Variants in MDN1 observed in about 807,000 individuals in gnomAD.
The protein encoded by MDN1 is midasin.
Under a neutral mutation model 669.2 loss-of-function variants are expected in MDN1, and 266 were observed. The ratio of observed to expected loss-of-function variants is 0.40; its 90% CI spans 0.36 to 0.44. The LOEUF (loss-of-function observed/expected upper bound fraction) is 0.44, where lower values mean the gene tolerates loss of function less well. Ranked by LOEUF, MDN1 falls within the 20% of genes least tolerant of loss-of-function variation. The pLI, the probability that MDN1 is intolerant of heterozygous loss-of-function variation, is 1.00. For missense variants in MDN1, 5,940 were observed against 6,754.0 expected (o/e 0.88, Z 4.22); for synonymous variants, 2,385 against 2,457.1 (o/e 0.97, Z 0.87).
At chr6:89,720,399 C>CAAA (rs559231591) in intron 40 of MDN1, among the ~76,000 whole-genome samples, 3 of 106,582 alleles carry the variant, frequency 2.8e-5, no homozygotes, top group African/African-American at 1.0e-4. Flanking sequence ...GACTCCATCT[C>CAAA]AAAAAAAAAA....
At chr6:89,696,599 A>G in intron 59 of MDN1, 25 bp from the exon 60 acceptor site, 9 of 1,566,580 alleles carry the variant, frequency 5.7e-6, no homozygotes, top group Non-Finnish European at 7.9e-6. Context: ...AAGAGTCAAT[A>G]ACTTTTAGAA....
intron 73 of MDN1, among the ~76,000 whole-genome samples, chr6:89,681,484 C>T (rs1307072730): frequency 6.6e-6 from 1 of 152,000 alleles, no homozygotes; most frequent in Admixed American, 6.6e-5. Flanking sequence ...CACAGGAATT[C>T]AGATGTTATA....
intron 84 of MDN1, among the ~76,000 whole-genome samples, chr6:89,667,360 G>A (rs755529127): frequency 1.3e-5 from 2 of 151,532 alleles, no homozygotes; most frequent in Non-Finnish European, 2.9e-5. Context: ...AGTTTTCTCT[G>A]CCAAGGAAGG....
At position 89,712,114 on chromosome 6, in the gene MDN1, C is replaced by G. The variant is rs759604055; in HGVS notation, c.7573G>C (p.Glu2525Gln). The G allele has an allele frequency of 6.5e-5, 105 of 1,614,034 alleles. 1 individual carries two copies. Among genetic ancestry groups the G allele is most frequent in the Middle Eastern group, 3.3e-4 (2 of 6,084 alleles). ...ATCCAATCCTGATTGGTTGCTCTTT[C>G]TATGAGCAATTTAACAGCCATGACC... ...VLVMAVKLLI[E>Q]RATNQDWMLR... Residue 2525 changes from glutamate to glutamine, a missense_variant, in exon 49 of 102, where the codon GAA becomes CAA. Glu to Gln is a conservative substitution (Grantham distance 29). Around this residue, in one of 5 missense-constraint regions of MDN1, gnomAD observed 2,292 missense variants for 2,638.3 expected, o/e 0.87. Transcript: ENST00000369393.
chr6:89,786,445 A>C (rs3966850), intron 8 of MDN1, among the ~76,000 whole-genome samples: 1 of 151,422 alleles, frequency 6.6e-6, no homozygotes, highest in Non-Finnish European at 1.5e-5. Flanking sequence ...ATAATAATAA[A>C]AAAAATTTGT....
chr6:89,790,519 TA>T, intron 5 of MDN1, 118 bp from the exon 6 acceptor site: 2 of 1,216,520 alleles, frequency 1.6e-6, no homozygotes, highest in Non-Finnish European at 2.4e-6. Flanking sequence ...AAATTAGTAG[TA>T]CCAAAACTAT....
At position 89,672,318 on chromosome 6, in the gene MDN1, T is replaced by C. The variant is rs1489194200; in HGVS notation, c.13676A>G (p.Glu4559Gly). ...GCTCACATCGGCCCAGAAGTCATCC[T>C]CTAAGAGTTTTGTTAGATGTCCTGA... is the stretch of plus-strand genomic sequence containing the variant. Reference protein sequence around the residue: ...LQSGHLTKLLEDDFWADVSTL... With the variant: ...LQSGHLTKLLGDDFWADVSTL... Residue 4559 changes from glutamate (E) to glycine (G), a missense_variant, in exon 82 of 102, where the codon GAG becomes GGG. Physicochemically the swap from Glu to Gly is moderately conservative, Grantham distance 98. This residue lies in a region of MDN1 where 2,280 missense variants were observed against 2,576.3 expected (regional missense o/e 0.88). Coordinates refer to ENST00000369393, the MANE Select transcript of MDN1 (RefSeq NM_014611.3). 21 of 1,612,594 alleles carry C rather than the reference T, an allele frequency of 1.3e-5. No homozygotes were observed. Among genetic ancestry groups the C allele is most frequent in the Non-Finnish European group, 1.8e-5 (21 of 1,179,712 alleles).
intron 53 of MDN1, among the ~76,000 whole-genome samples, chr6:89,702,309 G>T (rs1351100150): frequency 2.0e-5 from 3 of 152,190 alleles, no homozygotes. Context: ...GAAGCATGAA[G>T]TTATTAGAGA....
chr6:89,698,559 T>C (rs1413458247), intron 59 of MDN1, among the ~76,000 whole-genome samples: 1 of 152,232 alleles, frequency 6.6e-6, no homozygotes, highest in Non-Finnish European at 1.5e-5. Context: ...ATATTTCTAA[T>C]GAATTCTGTA....
At chr6:89,732,473 G>T in intron 34 of MDN1, 84 bp downstream of exon 34, 1 of 1,132,734 alleles carries the variant, frequency 8.8e-7, no homozygotes, top group Non-Finnish European at 1.3e-6. Flanking sequence ...CAGTAAAATA[G>T]CTGGGTCAGA....
At chr6:89,645,763 A>C (rs1808452517) in intron 100 of MDN1, among the ~76,000 whole-genome samples, 2 of 152,246 alleles carry the variant, frequency 1.3e-5, no homozygotes, top group African/African-American at 4.8e-5. Context: ...AAGATTATAT[A>C]GTACATGAGT....
chr6:89,749,406 C>T, intron 25 of MDN1, 37 bp from the exon 26 acceptor site: 1 of 1,605,848 alleles, frequency 6.2e-7, no homozygotes, highest in South Asian at 1.1e-5. Flanking sequence ...TAAAAGGTGC[C>T]TTTTAATTTC....
intron 49 of MDN1, 149 bp from the exon 50 acceptor site, chr6:89,710,943 G>A (rs1016437988): frequency 1.8e-6 from 1 of 547,408 alleles, no homozygotes; most frequent in Non-Finnish European, 3.2e-6. Flanking sequence ...CTAAAGGACT[G>A]GATTTTTTAT....
chr6:89,794,774 T>C lies in MDN1; in HGVS notation c.357A>G (p.Thr119=), dbSNP rs777517459. ...GGAAAAGTCTTTGAAAGACTGGGGA[T>C]GTGTCCTTGAAATATCTCAGGGCAA... is the stretch of plus-strand genomic sequence containing the variant. The part of the protein sequence containing the change: ...LPFALRYFKD[T]SPVFQRLFLE... Residue 119 remains threonine (T), a synonymous_variant, in exon 3 of 102, where the codon ACA becomes ACG. Coordinates refer to ENST00000369393, the MANE Select transcript of MDN1 (RefSeq NM_014611.3). 1 of 1,614,220 alleles carries C rather than the reference T, an allele frequency of 6.2e-7. No homozygotes were observed. Among genetic ancestry groups the C allele is most frequent in the Non-Finnish European group, 8.5e-7 (1 of 1,180,010 alleles).
chr6:89,798,585 A>G (rs975826828), intron 2 of MDN1, among the ~76,000 whole-genome samples: 1 of 152,248 alleles, frequency 6.6e-6, no homozygotes, highest in African/African-American at 2.4e-5. Context: ...TTATAAGAAA[A>G]TGCCTAAAAG....
intron 73 of MDN1, among the ~76,000 whole-genome samples, chr6:89,682,616 G>A (rs1382133520): frequency 1.3e-5 from 2 of 149,828 alleles, no homozygotes; most frequent in African/African-American, 2.4e-5. Flanking sequence ...GCTGAGGCAG[G>A]AGAATGGCAT....
rs114985095 is a variant in MDN1, at chr6:89,723,039, G to C, written c.5883C>G (p.Asp1961Glu). ...CAGGATCATAACACCCAGGGGACTGGTCAACCAGCATCAACTGACACCAGC... is the reference window on the plus strand; with the variant it reads ...CAGGATCATAACACCCAGGGGACTGCTCAACCAGCATCAACTGACACCAGC... Reference protein sequence around the residue: ...LFRWCQLMLVDQSPGCYDPGQ... With the variant: ...LFRWCQLMLVEQSPGCYDPGQ... Residue 1961 changes from aspartate to glutamate, a missense_variant, in exon 40 of 102, where the codon GAC (aspartate) becomes GAG (glutamate). Coordinates refer to ENST00000369393, the MANE Select transcript of MDN1 (RefSeq NM_014611.3). 68 of 1,613,890 alleles carry C rather than the reference G, an allele frequency of 4.2e-5. No homozygotes were observed. The highest frequency in any genetic ancestry group is 5.7e-5 in the Non-Finnish European group (67 of 1,179,956).
At position 89,687,334 on chromosome 6, in the gene MDN1, A is replaced by G. The variant is rs764687387; in HGVS notation, c.11450+10T>C. On this transcript the variant is annotated intron_variant, in intron 68 of 101. Coordinates refer to ENST00000369393, the MANE Select transcript of MDN1 (RefSeq NM_014611.3). ...ACCTAAGTTTAGGAGAGGGAAGGAG[A>G]GTCACTTACTTCAGCTCCAGTTTAC... 3 of 1,611,562 alleles carry G rather than the reference A, an allele frequency of 1.9e-6. No homozygotes were observed. The highest frequency in any genetic ancestry group is 2.5e-6 in the Non-Finnish European group (3 of 1,178,058).
chr6:89,761,680 T>C lies in MDN1; in HGVS notation c.2425A>G (p.Met809Val). 3 of 1,612,442 alleles carry C rather than the reference T, an allele frequency of 1.9e-6. No individual in the cohort carries two copies. Among genetic ancestry groups the C allele is most frequent in the Non-Finnish European group, 2.5e-6 (3 of 1,179,192 alleles). Residue 809 changes from methionine (M) to valine (V), a missense_variant, in exon 17 of 102, where the codon ATG (methionine) becomes GTG (valine). Around this residue, in one of 5 missense-constraint regions of MDN1, gnomAD observed 1,203 missense variants for 1,268.9 expected, o/e 0.95. Coordinates refer to ENST00000369393, the MANE Select transcript of MDN1 (RefSeq NM_014611.3). ...GCGAACAATAAGGTATTTTCAGTCA[T>C]TTTCATCTGTTGTTGGGCATGGTTG... Reference protein sequence around the residue: ...RLNHAQQQMKMTENTLLFAFV... With the variant: ...RLNHAQQQMKVTENTLLFAFV...
Sources: allele counts gnomAD v4.1 joint callset (sites outside exome capture counted in the v4.1 genomes callset), GRCh38; gene constraint gnomAD v4.1.1; regional missense constraint gnomAD v4.1.1; transcripts MANE v1.5; gene names NCBI Gene and HGNC (gene_info 2026-07-23, HGNC 2026-07-21).